SNX4: variants seen among roughly 807,000 people sequenced by gnomAD.
SNX4 encodes sorting nexin-4.
SNX4 carries 49 observed loss-of-function variants against 70.8 expected under a neutral mutation model. The ratio of observed to expected loss-of-function variants is 0.69; its 90% CI spans 0.55 to 0.88. The LOEUF is 0.88. Among genes scored for constraint, SNX4 ranks in the 40% least tolerant of loss-of-function variants. The probability of loss-of-function intolerance (pLI) is 0.00; values close to 1 mark genes in which losing one functional copy is unlikely to be tolerated. For synonymous variants in SNX4, 206 were observed against 183.8 expected (o/e 1.12, Z -0.98); for missense variants, 528 against 544.8 (o/e 0.97, Z 0.31).
chr3:125,451,522 G>A (rs1267882298), intron 12 of SNX4, 103 bp from the exon 13 acceptor site: 1 of 740,526 alleles, frequency 1.4e-6, no homozygotes, highest in African/African-American at 1.8e-5. Flanking sequence ...TGCCTATGTA[G>A]AAGGAAGAGT....
chr3:125,475,051 C>G (rs1934259449), intron 8 of SNX4, among the ~76,000 whole-genome samples: 1 of 152,094 alleles, frequency 6.6e-6, no homozygotes, highest in South Asian at 2.1e-4. Context: ...TATTCTTTTA[C>G]AGTTGACCAT....
chr3:125,519,976 C>T, intron 1 of SNX4, 56 bp downstream of exon 1: 1 of 1,461,532 alleles, frequency 6.8e-7, no homozygotes, highest in Non-Finnish European at 9.1e-7. Context: ...CCAGCCCAGC[C>T]CGGCCCGCTA....
chr3:125,451,171 T>A, intron 13 of SNX4, 134 bp downstream of exon 13: 1 of 467,772 alleles, frequency 2.1e-6, no homozygotes. Context: ...TCCTACAAAA[T>A]TAAAATAGAG....
chr3:125,478,414 TTTTC>T (rs1934333073), intron 7 of SNX4, among the ~76,000 whole-genome samples: 1 of 109,100 alleles, frequency 9.2e-6, no homozygotes, highest in Admixed American at 9.8e-5. Flanking sequence ...AATGTTTTTC[TTTTC>T]TTTTTTTTTT....
At chr3:125,467,575 A>T (rs183860403) in intron 9 of SNX4, among the ~76,000 whole-genome samples, 5,246 of 151,882 alleles carry the variant, frequency 0.035, 217 homozygotes, top group African/African-American at 0.088. Context: ...TATTATTATT[A>T]TTTTTTTTAA....
At chr3:125,478,480 T>A (rs2107544109) in intron 7 of SNX4, among the ~76,000 whole-genome samples, 1 of 151,832 alleles carries the variant, frequency 6.6e-6, no homozygotes, top group East Asian at 1.9e-4. Context: ...ACAATAAAAT[T>A]TAACAGTTTT....
At chr3:125,491,377 G>GA (rs779920042) in intron 5 of SNX4, among the ~76,000 whole-genome samples, 2 of 152,006 alleles carry the variant, frequency 1.3e-5, no homozygotes, top group African/African-American at 4.8e-5. Context: ...AAAACACTAA[G>GA]AAAAAAATAT....
chr3:125,500,584 G>C (rs933820702), intron 2 of SNX4, among the ~76,000 whole-genome samples: 1 of 151,758 alleles, frequency 6.6e-6, no homozygotes, highest in Non-Finnish European at 1.5e-5. Context: ...GGTGGATCAC[G>C]AGCTCAGAAG....
intron 1 of SNX4, among the ~76,000 whole-genome samples, chr3:125,514,329 T>C (rs1199310594): frequency 6.6e-6 from 1 of 152,114 alleles, no homozygotes; most frequent in Non-Finnish European, 1.5e-5. Context: ...TTGAACAGTG[T>C]TCCAAACTGA....
chr3:125,450,943 G>A (rs1209076048), intron 13 of SNX4, among the ~76,000 whole-genome samples: 2 of 152,104 alleles, frequency 1.3e-5, no homozygotes, highest in Non-Finnish European at 2.9e-5. Context: ...TTAGATGAGT[G>A]GAGACTCAGT....
chr3:125,491,920 A>G (rs886084341), intron 5 of SNX4, among the ~76,000 whole-genome samples: 16 of 152,002 alleles, frequency 1.1e-4, no homozygotes, highest in Non-Finnish European at 2.2e-4. Context: ...CAGCCTGGCC[A>G]ATATGGCGAA....
chr3:125,499,268 C>T (rs1223765582), intron 2 of SNX4, among the ~76,000 whole-genome samples: 3 of 152,278 alleles, frequency 2.0e-5, no homozygotes, highest in East Asian at 1.9e-4. Context: ...CAGGACCTTG[C>T]TATTTTCTAA....
intron 7 of SNX4, among the ~76,000 whole-genome samples, chr3:125,479,015 G>A (rs775971504): frequency 2.0e-5 from 3 of 152,032 alleles, no homozygotes; most frequent in Non-Finnish European, 4.4e-5. Context: ...ACAGTTAAAC[G>A]GGAGATCAAG....
chr3:125,506,921 G>C (rs1487120346), intron 1 of SNX4, among the ~76,000 whole-genome samples: 1 of 147,968 alleles, frequency 6.8e-6, no homozygotes, highest in Non-Finnish European at 1.5e-5. Context: ...CCAAAAAGTG[G>C]CAGGGCATGA....
chr3:125,504,661 G>C lies in SNX4; in HGVS notation c.225C>G (p.Asn75Lys). The change falls in exon 2 of 14, where the codon AAC (asparagine) becomes AAG (lysine). Residue 75 changes from asparagine (N) to lysine (K), a missense_variant. Coordinates refer to ENST00000251775, the MANE Select transcript of SNX4 (RefSeq NM_003794.4). ...GGTAAGCAGTATATGTTTCTTGCAT[G>C]TTCATGGCATTTCTTCCAGTTCGTT... ...AEKRTGRNAM[N>K]MQETYTAYLI... The C allele has an allele frequency of 6.2e-7, 1 of 1,613,980 alleles. No individual in the cohort carries two copies. Among genetic ancestry groups the C allele is most frequent in the East Asian group, 2.2e-5 (1 of 44,848 alleles).
rs572068798 is a variant in SNX4, at chr3:125,498,149, T to C, written c.309A>G (p.Leu103=). 1.5e-5 allele frequency: 24 copies of C among 1,614,152 alleles called. No homozygotes were observed. The highest frequency in any genetic ancestry group is 1.6e-4 in the Middle Eastern group (1 of 6,062). Reference sequence around the variant, plus strand: ...ACTCAAATTCACTATATCGCCGCCATAGTGAGTCTGTTAGGACACTCTGAC... The same window carrying C: ...ACTCAAATTCACTATATCGCCGCCACAGTGAGTCTGTTAGGACACTCTGAC... ...TDGQSVLTDS[L]WRRYSEFELL... Residue 103 remains leucine, a synonymous_variant, in exon 3 of 14, where the codon CTA becomes CTG. Coordinates refer to ENST00000251775, the MANE Select transcript of SNX4 (RefSeq NM_003794.4).
intron 9 of SNX4, among the ~76,000 whole-genome samples, chr3:125,469,122 A>G (rs778997935): frequency 2.1e-4 from 32 of 152,184 alleles, no homozygotes; most frequent in Non-Finnish European, 4.4e-4. Flanking sequence ...TATTGGCTAT[A>G]AATTTTAGAC....
intron 9 of SNX4, among the ~76,000 whole-genome samples, chr3:125,466,117 T>C (rs975358815): frequency 6.4e-4 from 95 of 149,074 alleles, no homozygotes; most frequent in African/African-American, 2.4e-3. Flanking sequence ...ATACCTAAGT[T>C]TTATGTTTTG....
chr3:125,462,547 T>C (rs1287366820), intron 9 of SNX4, among the ~76,000 whole-genome samples: 8 of 135,234 alleles, frequency 5.9e-5, no homozygotes, highest in African/African-American at 2.3e-4. Flanking sequence ...GCTGTGAATG[T>C]GCCATTGTAT....
Sources: allele counts gnomAD v4.1 joint callset (sites outside exome capture counted in the v4.1 genomes callset), GRCh38; gene constraint gnomAD v4.1.1; transcripts MANE v1.5; gene names NCBI Gene and HGNC (gene_info 2026-07-23, HGNC 2026-07-21).